Variants in DCLK1 observed in about 807,000 individuals in gnomAD.
DCLK1 encodes the protein doublecortin like kinase 1, also known as serine/threonine-protein kinase DCLK1.
DCLK1 carries 16 observed loss-of-function variants against 86.2 expected under a neutral mutation model. The observed-to-expected ratio is 0.19, with a 90% CI of 0.13 to 0.28. The LOEUF (loss-of-function observed/expected upper bound fraction) is 0.28. Ranked by LOEUF, DCLK1 falls within the 10% of genes least tolerant of loss-of-function variation. The pLI is 1.00. For synonymous variants in DCLK1, 369 were observed against 370.5 expected (o/e 1.00, Z 0.05); for missense variants, 590 against 940.2 (o/e 0.63, Z 4.87).
chr13:36,006,840 T>C (rs1401443067), intron 3 of DCLK1, among the ~76,000 whole-genome samples: 1 of 152,186 alleles, frequency 6.6e-6, no homozygotes, highest in African/African-American at 2.4e-5. Flanking sequence ...AGTTTCCCCA[T>C]CTGTAAGGTG....
At chr13:35,944,661 T>C (rs1877267079) in intron 4 of DCLK1, among the ~76,000 whole-genome samples, 1 of 152,110 alleles carries the variant, frequency 6.6e-6, no homozygotes, top group Non-Finnish European at 1.5e-5. Flanking sequence ...ATGTGTTTCT[T>C]TTGGAATGGG....
intron 4 of DCLK1, among the ~76,000 whole-genome samples, chr13:35,924,075 C>T (rs1875958585): frequency 1.3e-5 from 2 of 152,146 alleles, no homozygotes; most frequent in African/African-American, 4.8e-5. Context: ...CCATCTCTCC[C>T]CAGTGCTCCC....
At chr13:35,850,402 G>A (rs1263401577) in intron 6 of DCLK1, 1 of 1,035,870 alleles carries the variant, frequency 9.7e-7, no homozygotes, top group South Asian at 4.6e-5. Flanking sequence ...ATTGCCACAT[G>A]GTTAGTGTGT....
In DCLK1 at chr13:36,052,229, A is replaced by G. The variant is rs562387601; in HGVS notation, c.723+59640T>C. On this transcript the variant is annotated intron_variant, in intron 3 of 16. Coordinates refer to ENST00000360631, the MANE Select transcript of DCLK1 (RefSeq NM_001330071.2). ...ATTGCCTTTTGAGATGTTTCCTTTT[A>G]TCTGGGCACTGAATAACTCACTTTC... Among the ~76,000 whole-genome samples, 14 of 152,284 alleles carry G rather than the reference A, an allele frequency of 9.2e-5. 1 individual carries two copies. The highest frequency in any genetic ancestry group is 3.1e-4 in the African/African-American group (13 of 41,556).
chr13:35,990,922 G>A (rs1880192338), intron 3 of DCLK1, among the ~76,000 whole-genome samples: 1 of 152,196 alleles, frequency 6.6e-6, no homozygotes, highest in Non-Finnish European at 1.5e-5. Flanking sequence ...GAGAGTCAGT[G>A]TTTCAAATTC....
intron 3 of DCLK1, among the ~76,000 whole-genome samples, chr13:35,971,515 C>G (rs1024773167): frequency 6.6e-6 from 1 of 152,184 alleles, no homozygotes; most frequent in Non-Finnish European, 1.5e-5. Flanking sequence ...GTAATCCCAG[C>G]ACTTTGGGAG....
chr13:35,829,574 G>A (rs1002582477), intron 8 of DCLK1, among the ~76,000 whole-genome samples: 2 of 152,156 alleles, frequency 1.3e-5, no homozygotes, highest in South Asian at 2.1e-4. Flanking sequence ...GAGACCAGGC[G>A]TTAATGTGTT....
chr13:35,922,715 ATCC>A (rs1875870250), intron 4 of DCLK1, among the ~76,000 whole-genome samples: 2 of 152,168 alleles, frequency 1.3e-5, no homozygotes, highest in African/African-American at 4.8e-5. Context: ...TTGGGCATAA[ATCC>A]TGGTTGAAGA....
chr13:35,980,473 G>A (rs755982449), intron 3 of DCLK1, among the ~76,000 whole-genome samples: 8 of 152,110 alleles, frequency 5.3e-5, no homozygotes, highest in African/African-American at 1.7e-4. Context: ...CACGGACTCC[G>A]TGTTCCCCCC....
intron 3 of DCLK1, among the ~76,000 whole-genome samples, chr13:35,979,249 T>C (rs996130667): frequency 6.6e-6 from 1 of 152,108 alleles, no homozygotes; most frequent in African/African-American, 2.4e-5. Flanking sequence ...GACTTTCCAA[T>C]GACTATTAAA....
intron 3 of DCLK1, among the ~76,000 whole-genome samples, chr13:36,078,060 T>C (rs1228561039): frequency 6.6e-6 from 1 of 152,174 alleles, no homozygotes; most frequent in East Asian, 1.9e-4. Context: ...ATGGAGCCTT[T>C]GGAGTGATTA....
chr13:36,004,554 C>A (rs541092760), intron 3 of DCLK1, among the ~76,000 whole-genome samples: 8 of 152,118 alleles, frequency 5.3e-5, no homozygotes, highest in Non-Finnish European at 1.0e-4. Flanking sequence ...CAGTGAGGCA[C>A]AAAATTGCTC....
chr13:35,844,277 G>A (rs1023186000), intron 6 of DCLK1, among the ~76,000 whole-genome samples: 6 of 152,202 alleles, frequency 3.9e-5, no homozygotes, highest in Admixed American at 1.3e-4. Flanking sequence ...TGTTACTCAT[G>A]AAGTTGGTTT....
At chr13:36,114,881 C>G (rs1309717239) in intron 2 of DCLK1, among the ~76,000 whole-genome samples, 2 of 152,266 alleles carry the variant, frequency 1.3e-5, no homozygotes, top group Non-Finnish European at 1.5e-5. Flanking sequence ...TCTAGATATC[C>G]AGTGTTCAAT....
intron 3 of DCLK1, among the ~76,000 whole-genome samples, chr13:36,087,060 T>C (rs1446880208): frequency 1.3e-5 from 2 of 152,212 alleles, no homozygotes; most frequent in Non-Finnish European, 2.9e-5. Flanking sequence ...TCTTCCACAA[T>C]GGTTGAAGTA....
chr13:35,840,010 G>GATCTTCC (rs1307134159), intron 6 of DCLK1, among the ~76,000 whole-genome samples: 1 of 152,194 alleles, frequency 6.6e-6, no homozygotes, highest in Non-Finnish European at 1.5e-5. Flanking sequence ...TGTCCTAAAA[G>GATCTTCC]ATCTTCCTTC....
At chr13:36,043,733 A>C (rs1462215465) in intron 3 of DCLK1, among the ~76,000 whole-genome samples, 1 of 152,238 alleles carries the variant, frequency 6.6e-6, no homozygotes, top group Non-Finnish European at 1.5e-5. Context: ...GGAAGCAACA[A>C]GACCTTTGAA....
chr13:36,015,989 G>A (rs1049673611), intron 3 of DCLK1, among the ~76,000 whole-genome samples: 10 of 152,218 alleles, frequency 6.6e-5, no homozygotes, highest in South Asian at 2.1e-4. Flanking sequence ...CTAGGACATC[G>A]AATACTTTCA....
At chr13:36,021,946 A>C (rs1217714615) in intron 3 of DCLK1, among the ~76,000 whole-genome samples, 1 of 152,128 alleles carries the variant, frequency 6.6e-6, no homozygotes. Flanking sequence ...AGCAGAATAC[A>C]CATTCTTCTC....
Sources: gnomAD v4.1 joint callset for allele counts (sites outside exome capture counted in the v4.1 genomes callset) on GRCh38, gnomAD v4.1.1 for gene constraint, MANE v1.5 for transcripts, NCBI Gene and HGNC (gene_info 2026-07-23, HGNC 2026-07-21) for gene names.